DOCK10: variants seen among roughly 807,000 people sequenced by gnomAD.
DOCK10 encodes the protein dedicator of cytokinesis protein 10.
Under a neutral mutation model 280.1 loss-of-function variants are expected in DOCK10, and 145 were observed. The ratio of observed to expected loss-of-function variants is 0.52; its 90% CI spans 0.45 to 0.59. The LOEUF is 0.59. DOCK10 is among the 20% of genes least tolerant of loss of function. The pLI is 0.00. For missense variants in DOCK10, 2,368 were observed against 2,651.7 expected (o/e 0.89, Z 2.35); for synonymous variants, 915 against 942.2 (o/e 0.97, Z 0.53).
rs938780738 is a variant in DOCK10, at chr2:225,042,253, C to T, written c.122G>A (p.Arg41Gln). ...AVAVSSRQQQ[R>Q]QEKPRLLEPL... ...GCGCGGAGGACGCGCCGCACTCACC[C>T]GCTGCTGCTGCCGGCTGCTGACTGC... is the stretch of plus-strand genomic sequence containing the variant. The change falls in exon 1 of 56, where the codon CGG becomes CAG. Residue 41 changes from arginine (R) to glutamine (Q), a missense_variant and splice_region_variant. Physicochemically the swap from Arg to Gln is conservative, Grantham distance 43 (BLOSUM62 1). This residue lies in a region of DOCK10 where 1,209 missense variants were observed against 1,250.9 expected (regional missense o/e 0.97). Transcript: ENST00000258390. The surrounding 1 kb of genome is among the most constrained non-coding windows in gnomAD (Gnocchi z 5.1). The T allele has an allele frequency of 1.4e-5, 18 of 1,297,802 alleles. No individual in the cohort carries two copies. In the African/African-American group the frequency reaches 2.2e-4, roughly 16 times the overall value. The allele number at this position is 1,297,802 out of a possible 1,614,324, so 80.4% of individuals were successfully genotyped here. A position where few individuals can be genotyped will look rare whatever the true frequency, so the allele number is the denominator to read the frequency against.
At chr2:224,834,681 C>T (rs1695482279) in intron 25 of DOCK10, among the ~76,000 whole-genome samples, 1 of 152,152 alleles carries the variant, frequency 6.6e-6, no homozygotes, top group Admixed American at 6.5e-5. Context: ...CTTCCAGATG[C>T]CAGTACGTGA....
intron 1 of DOCK10, among the ~76,000 whole-genome samples, chr2:224,948,575 T>C (rs868203566): frequency 4.7e-4 from 71 of 152,248 alleles, no homozygotes; most frequent in African/African-American, 1.7e-3. Flanking sequence ...AGTCTGACTC[T>C]GGATCACCTG....
At chr2:224,914,033 G>A (rs545004386) in intron 3 of DOCK10, among the ~76,000 whole-genome samples, 7 of 152,108 alleles carry the variant, frequency 4.6e-5, no homozygotes, top group African/African-American at 1.4e-4. Flanking sequence ...CACCTCACCC[G>A]GCCTATAACC....
intron 48 of DOCK10, 144 bp from the exon 49 acceptor site, chr2:224,787,541 T>C: frequency 2.0e-6 from 2 of 1,016,926 alleles, no homozygotes; most frequent in South Asian, 1.5e-5. Context: ...TGGTGTCATC[T>C]TGGATTCTTG....
chr2:224,779,425 A>C (rs1269830623), intron 50 of DOCK10, among the ~76,000 whole-genome samples: 2 of 152,054 alleles, frequency 1.3e-5, no homozygotes, highest in East Asian at 3.9e-4. Flanking sequence ...CATGTTGGCC[A>C]GGCTGGTCTC....
chr2:224,778,046 A>G, intron 51 of DOCK10, 92 bp downstream of exon 51: 2 of 1,320,324 alleles, frequency 1.5e-6, no homozygotes, highest in Non-Finnish European at 2.1e-6. Flanking sequence ...TTTACTTTGC[A>G]TCGTCAGGCA....
At chr2:224,917,634 T>G (rs1408446075) in intron 2 of DOCK10, among the ~76,000 whole-genome samples, 1 of 152,184 alleles carries the variant, frequency 6.6e-6, no homozygotes, top group Non-Finnish European at 1.5e-5. Context: ...TGTCTTTATT[T>G]TTGCTGAAAT....
At chr2:224,782,761 A>G (rs1691443014) in intron 50 of DOCK10, among the ~76,000 whole-genome samples, 1 of 152,220 alleles carries the variant, frequency 6.6e-6, no homozygotes, top group Admixed American at 6.5e-5. Flanking sequence ...TTGTACCCAA[A>G]GGCCTTTGTG....
Position 224,874,747 on chromosome 2 carries a change from C to A in DOCK10, c.936G>T (p.Ser312=), listed in dbSNP as rs61741507. The change falls in exon 9 of 56, where the codon TCG becomes TCT. Residue 312 remains serine, a synonymous_variant. Coordinates refer to ENST00000258390, the MANE Select transcript of DOCK10 (RefSeq NM_014689.3). ...ATTCACAAGTTACAGAATTATCCAG[C>A]GAATCTTAAAAAGATATACCAAGTC... ...STELTDLGLD[S]LDNSVTCECT... 1.2e-6 allele frequency: 2 copies of A among 1,613,236 alleles called. No homozygotes were observed. The highest frequency in any genetic ancestry group is 2.7e-5 in the African/African-American group (2 of 74,894).
At chr2:224,931,805 A>G in intron 1 of DOCK10, 137 bp from the exon 2 acceptor site, 1 of 936,644 alleles carries the variant, frequency 1.1e-6, no homozygotes, top group Non-Finnish European at 1.5e-6. Flanking sequence ...CAGAGACTCC[A>G]GGAATTTAGG....
chr2:224,794,281 G>A lies in DOCK10; in HGVS notation c.5154+598C>T, dbSNP rs10498168. On this transcript the variant is annotated intron_variant, in intron 45 of 55. Transcript: ENST00000258390. Reference sequence around the variant, plus strand: ...CAAAGGGACATAGTTCCAGAATAGCGTAGAACTTCCCATTTGGTACTAAGA... The same window carrying A: ...CAAAGGGACATAGTTCCAGAATAGCATAGAACTTCCCATTTGGTACTAAGA... Among the ~76,000 whole-genome samples, 776 of 152,322 alleles carry A rather than the reference G, an allele frequency of 5.1e-3. 3 individuals are homozygous for A. The highest frequency in any genetic ancestry group is 0.016 in the African/African-American group (656 of 41,574).
chr2:224,982,305 G>T, intron 1 of DOCK10: 1 of 1,232,050 alleles, frequency 8.1e-7, no homozygotes, highest in Non-Finnish European at 1.0e-6. Flanking sequence ...CAAATGTGTG[G>T]ACAGCTCCTC....
intron 1 of DOCK10, among the ~76,000 whole-genome samples, chr2:224,947,301 A>G (rs1310082164): frequency 6.6e-6 from 1 of 152,254 alleles, no homozygotes; most frequent in Non-Finnish European, 1.5e-5. Context: ...TGAATTGAAC[A>G]GTTAATTGAC....
chr2:224,974,979 G>A (rs1009586665), intron 1 of DOCK10, among the ~76,000 whole-genome samples: 10 of 150,314 alleles, frequency 6.7e-5, no homozygotes, highest in South Asian at 2.1e-4. Context: ...TCACCACACC[G>A]ATACTTGGTT....
At chr2:224,924,546 GAAT>G (rs1490405641) in intron 2 of DOCK10, among the ~76,000 whole-genome samples, 3 of 152,238 alleles carry the variant, frequency 2.0e-5, no homozygotes, top group Middle Eastern at 3.4e-3. Context: ...TTTTATGGCT[GAAT>G]AATAATGACA....
chr2:224,826,754 TCTA>T (rs1694885139), intron 27 of DOCK10, among the ~76,000 whole-genome samples: 1 of 146,974 alleles, frequency 6.8e-6, no homozygotes, highest in African/African-American at 2.5e-5. Flanking sequence ...TATCTATCTA[TCTA>T]TCTATCTATC....
Position 225,036,815 on chromosome 2 carries a change from T to C in DOCK10, c.123+5437A>G, listed in dbSNP as rs916349540. On this transcript the variant is annotated intron_variant, in intron 1 of 55. Transcript: ENST00000258390. ...TTGACTTGGTCACCAAGAAGCATTT[T>C]TAACAAAGCTATAGGACTTAATAGT... Among the ~76,000 whole-genome samples the C allele has an allele frequency of 2.0e-5, 3 of 152,332 alleles. No individual in the cohort carries two copies. The East Asian group carries it at 5.8e-4, about 29-fold the overall frequency.
intron 27 of DOCK10, among the ~76,000 whole-genome samples, 159 bp downstream of exon 27, chr2:224,830,382 T>C (rs6732013): frequency 0.33 from 50,316 of 152,156 alleles, 10,678 homozygotes; most frequent in African/African-American, 0.6. Context: ...CTGTGCCGGT[T>C]GGTGTACACA....
chr2:224,770,724 GCA>G lies in DOCK10; in HGVS notation c.6205-81_6205-80del. On this transcript the variant is annotated intron_variant, in intron 53 of 55. Transcript: ENST00000258390. This position sits in a 1 kb window ranked among gnomAD's most constrained non-coding sequence, Gnocchi z 4.5. ...CCACCGCTGGAAGAGGAGCAACTGT[GCA>G]CCAATGGTGTGGTACCCCCATCTCA... 1.9e-6 allele frequency: 2 copies of G among 1,029,870 alleles called. No homozygotes were observed. Among genetic ancestry groups the G allele is most frequent in the South Asian group, 2.6e-5 (2 of 75,984 alleles). The allele number at this position is 1,029,870 out of a possible 1,614,324, so 63.8% of individuals were successfully genotyped here.
Sources: allele counts gnomAD v4.1 joint callset (sites outside exome capture counted in the v4.1 genomes callset), GRCh38; gene constraint gnomAD v4.1.1; regional missense constraint gnomAD v4.1.1; non-coding constraint Gnocchi (gnomAD v3.1); transcripts MANE v1.5; gene names NCBI Gene and HGNC (gene_info 2026-07-23, HGNC 2026-07-21).